Variants in NCKAP1 observed in about 807,000 individuals in gnomAD.
The protein encoded by NCKAP1 is NCK associated protein 1, also known as nck-associated protein 1.
Under a neutral mutation model 151.2 loss-of-function variants are expected in NCKAP1, and 21 were observed. That is an observed-to-expected ratio of 0.14 (90% CI 0.10 to 0.20). The LOEUF (loss-of-function observed/expected upper bound fraction) is 0.20. Among genes scored for constraint, NCKAP1 ranks in the 10% least tolerant of loss-of-function variants. NCKAP1 has a pLI of 1.00. For missense variants in NCKAP1, 933 were observed against 1,352.1 expected (o/e 0.69, Z 4.86); for synonymous variants, 484 against 451.8 (o/e 1.07, Z -0.90).
chr2:182,930,621 A>T, intron 27 of NCKAP1, 74 bp downstream of exon 27: 1 of 1,153,216 alleles, frequency 8.7e-7, no homozygotes, highest in Non-Finnish European at 1.3e-6. Context: ...ATATATGGTT[A>T]AATATCATAC....
chr2:183,020,491 A>G (rs1698777575), intron 2 of NCKAP1, among the ~76,000 whole-genome samples: 2 of 150,566 alleles, frequency 1.3e-5, no homozygotes, highest in Non-Finnish European at 3.0e-5. Flanking sequence ...GAAAAAAAAG[A>G]AAAAAAAATT....
At chr2:182,945,807 A>C (rs1296188452) in intron 23 of NCKAP1, among the ~76,000 whole-genome samples, 1 of 152,232 alleles carries the variant, frequency 6.6e-6, no homozygotes, top group African/African-American at 2.4e-5. Flanking sequence ...TACTGGGTAT[A>C]TACCCAAAGG....
intron 2 of NCKAP1, among the ~76,000 whole-genome samples, chr2:183,010,732 T>C (rs1000337429): frequency 2.0e-5 from 3 of 152,204 alleles, no homozygotes; most frequent in Admixed American, 1.3e-4. Flanking sequence ...TCACTAATTA[T>C]ATACCGTGGT....
intron 2 of NCKAP1, among the ~76,000 whole-genome samples, chr2:183,017,070 T>G (rs1460098630): frequency 6.6e-6 from 1 of 152,128 alleles, no homozygotes; most frequent in African/African-American, 2.4e-5. Context: ...GATAATCACA[T>G]GTTCCATATT....
At chr2:182,982,509 G>C (rs1697961214) in intron 12 of NCKAP1, among the ~76,000 whole-genome samples, 1 of 152,086 alleles carries the variant, frequency 6.6e-6, no homozygotes, top group Non-Finnish European at 1.5e-5. Context: ...GCTAGCAATA[G>C]GCAGTATGAT....
intron 1 of NCKAP1, among the ~76,000 whole-genome samples, chr2:183,028,282 TCCC>T (rs929962683): frequency 1.3e-5 from 2 of 151,674 alleles, no homozygotes; most frequent in African/African-American, 4.8e-5. Flanking sequence ...AAACAAAAAC[TCCC>T]CCAAGTACCC....
chr2:182,982,578 C>G (rs1396839568), intron 12 of NCKAP1, among the ~76,000 whole-genome samples: 1 of 152,152 alleles, frequency 6.6e-6, no homozygotes, highest in Non-Finnish European at 1.5e-5. Flanking sequence ...AGATAAACAA[C>G]CTATACTCTT....
At chr2:182,949,700 G>A (rs1232034970) in intron 23 of NCKAP1, among the ~76,000 whole-genome samples, 1 of 152,188 alleles carries the variant, frequency 6.6e-6, no homozygotes, top group Admixed American at 6.5e-5. Flanking sequence ...AGGCTGAGGT[G>A]ACAGAATCGC....
chr2:182,939,262 G>A (rs1042717494), intron 24 of NCKAP1, among the ~76,000 whole-genome samples: 2 of 152,176 alleles, frequency 1.3e-5, no homozygotes, highest in Admixed American at 1.3e-4. Flanking sequence ...AGGCACGGTG[G>A]CTCACGCTTG....
At chr2:182,984,582 A>G (rs1389427799) in intron 10 of NCKAP1, among the ~76,000 whole-genome samples, 1 of 138,408 alleles carries the variant, frequency 7.2e-6, no homozygotes, top group African/African-American at 2.5e-5. Flanking sequence ...TCCAACTCTA[A>G]GTTTCAGTTT....
At chr2:182,978,948 A>T in intron 13 of NCKAP1, 33 bp from the exon 14 acceptor site, 2 of 1,502,980 alleles carry the variant, frequency 1.3e-6, no homozygotes, top group South Asian at 1.2e-5. Flanking sequence ...CGTTAAAAAC[A>T]TCTATAGTTG....
chr2:183,038,274 C>T lies in NCKAP1; in HGVS notation c.-175G>A, dbSNP rs187708001. On this transcript the variant is annotated 5_prime_UTR_variant, in exon 1 of 31. Transcript: ENST00000361354. ...GCGCCGGCGACAGAGCGAGCCGCGG[C>T]GGACTCCTCGGAGCCCCTTCTCCCG... 5.6e-3 allele frequency: 2,400 copies of T among 428,064 alleles called. 52 individuals are homozygous for T. The highest frequency in any genetic ancestry group is 0.046 in the African/African-American group (2,180 of 47,816). 26.5% of individuals were successfully genotyped at this position (428,064 alleles called of 1,614,324 possible). A position where few individuals can be genotyped will look rare whatever the true frequency, so the allele number is the denominator to read the frequency against.
At chr2:182,960,758 T>TGAA (rs1437406404) in intron 18 of NCKAP1, among the ~76,000 whole-genome samples, 6 of 152,196 alleles carry the variant, frequency 3.9e-5, no homozygotes, top group Non-Finnish European at 7.3e-5. Context: ...AAAGAGCTTC[T>TGAA]GCACAGCAAA....
At chr2:182,998,844 AAAAAAAAAAAAAAG>A (rs1451454779) in intron 6 of NCKAP1, among the ~76,000 whole-genome samples, 2 of 146,380 alleles carry the variant, frequency 1.4e-5, no homozygotes, top group Admixed American at 6.9e-5. Context: ...CAAAAAAAAA[AAAAAAAAAAAAAAG>A]GGGGGAAGGA....
At chr2:182,959,407 TC>T (rs1697394024) in intron 18 of NCKAP1, among the ~76,000 whole-genome samples, 5 of 152,158 alleles carry the variant, frequency 3.3e-5, no homozygotes, top group African/African-American at 1.2e-4. Context: ...CCGGGCTTCA[TC>T]CCTGGGATGC....
chr2:183,001,456 CATT>C (rs1044147016), intron 6 of NCKAP1, among the ~76,000 whole-genome samples: 2 of 152,126 alleles, frequency 1.3e-5, no homozygotes, highest in Admixed American at 6.5e-5. Context: ...TAAAACCCGT[CATT>C]TTTTGAGACT....
At chr2:182,991,602 G>T (rs186570483) in intron 8 of NCKAP1, among the ~76,000 whole-genome samples, 1 of 151,462 alleles carries the variant, frequency 6.6e-6, no homozygotes, top group Admixed American at 6.6e-5. Flanking sequence ...AGATTAGGGG[G>T]ATGACTTATT....
intron 2 of NCKAP1, among the ~76,000 whole-genome samples, chr2:183,020,334 G>T (rs1698771187): frequency 6.6e-6 from 1 of 151,494 alleles, no homozygotes; most frequent in South Asian, 2.1e-4. Context: ...TGTGGTGGTT[G>T]TGCCCCTGTA....
intron 2 of NCKAP1, among the ~76,000 whole-genome samples, chr2:183,005,020 A>C (rs1363603709): frequency 6.7e-6 from 1 of 149,568 alleles, no homozygotes; most frequent in Non-Finnish European, 1.5e-5. Flanking sequence ...TCTATTTTGC[A>C]CAACATTATC....
Sources: allele counts gnomAD v4.1 joint callset (sites outside exome capture counted in the v4.1 genomes callset), GRCh38; gene constraint gnomAD v4.1.1; transcripts MANE v1.5; gene names NCBI Gene and HGNC (gene_info 2026-07-23, HGNC 2026-07-21).